Variants in RSPH14 observed in about 807,000 individuals in gnomAD.
RSPH14 encodes the protein radial spoke head 14 homolog.
RSPH14 carries 20 observed loss-of-function variants against 26.7 expected under a neutral mutation model. The observed-to-expected ratio is 0.75, with a 90% CI of 0.53 to 1.09. The LOEUF (loss-of-function observed/expected upper bound fraction) is 1.09, where lower values mean the gene tolerates loss of function less well. RSPH14 is among the 50% of genes least tolerant of loss of function. The pLI, the probability that RSPH14 is intolerant of heterozygous loss-of-function variation, is 0.00. For missense variants in RSPH14, 449 were observed against 457.2 expected (o/e 0.98, Z 0.16); for synonymous variants, 177 against 189.3 (o/e 0.93, Z 0.53).
chr22:23,080,555 G>A (rs1601760134), intron 4 of RSPH14, among the ~76,000 whole-genome samples: 1 of 152,226 alleles, frequency 6.6e-6, no homozygotes, highest in Non-Finnish European at 1.5e-5. Context: ...AGGAGGACCT[G>A]TTTCTAAGGT....
the RSPH14 span, among the ~76,000 whole-genome samples, chr22:23,174,165 G>C: frequency 5.9e-5 from 9 of 152,130 alleles, no homozygotes; most frequent in African/African-American, 2.2e-4. Context: ...GGGGTTTGCT[G>C]GAACTTTTGC....
In RSPH14 at chr22:23,134,104, A is replaced by G; in HGVS notation, c.343T>C (p.Phe115Leu). 1 of 1,613,416 alleles carries G rather than the reference A, an allele frequency of 6.2e-7. No homozygotes were observed. The highest frequency in any genetic ancestry group is 8.5e-7 in the Non-Finnish European group (1 of 1,179,510). Residue 115 changes from phenylalanine to leucine, a missense_variant, in exon 4 of 7, where the codon TTC becomes CTC. By Grantham distance (22) the Phe-to-Leu change is conservative. Transcript: ENST00000216036. ...LEHDIVLALSFLLNDPSPVCR... is the reference protein window; with the variant it reads ...LEHDIVLALSLLLNDPSPVCR... ...ACTGGGCTGGGGTCATTCAGCAGGAAGGACAGGGCAAGGACGATGTCGTGC... is the reference window on the plus strand; with the variant it reads ...ACTGGGCTGGGGTCATTCAGCAGGAGGGACAGGGCAAGGACGATGTCGTGC...
upstream of RSPH14, chr22:23,142,194 G>A (rs1255030549): frequency 5.2e-6 from 1 of 191,722 alleles, no homozygotes; most frequent in Non-Finnish European, 9.6e-6. Context: ...AGAAGGGAAA[G>A]GAAGTGACTT....
chr22:23,169,760 T>A, the RSPH14 span, among the ~76,000 whole-genome samples: 1 of 152,118 alleles, frequency 6.6e-6, no homozygotes, highest in Non-Finnish European at 1.5e-5. Flanking sequence ...GTGACCCTCA[T>A]GAGCAGAGCC....
the RSPH14 span, among the ~76,000 whole-genome samples, chr22:23,154,245 C>G: frequency 2.0e-5 from 3 of 152,212 alleles, no homozygotes; most frequent in African/African-American, 7.2e-5. Context: ...GCCCCGCCCC[C>G]CTCCTCTCCA....
At chr22:23,105,684 C>G (rs2069449263) in intron 4 of RSPH14, among the ~76,000 whole-genome samples, 1 of 152,240 alleles carries the variant, frequency 6.6e-6, no homozygotes, top group Admixed American at 6.5e-5. Flanking sequence ...CCTGGCCAGG[C>G]CTGTGTCTGT....
chr22:23,091,697 C>T (rs1027801498), intron 4 of RSPH14, among the ~76,000 whole-genome samples: 5 of 151,586 alleles, frequency 3.3e-5, no homozygotes, highest in African/African-American at 7.3e-5. Flanking sequence ...TACACACACA[C>T]GCACCGCAAT....
intron 3 of RSPH14, chr22:23,136,000 T>A (rs1024408771): frequency 1.6e-4 from 28 of 178,472 alleles, no homozygotes; most frequent in Non-Finnish European, 3.1e-4. Flanking sequence ...TTATTTATTT[T>A]ATTTATTTAT....
At chr22:23,131,072 A>G (rs74879436) in intron 4 of RSPH14, 4,017 of 153,322 alleles carry the variant, frequency 0.026, 173 homozygotes, top group African/African-American at 0.091. Flanking sequence ...AACAACCAAC[A>G]AGCCTGCCAG....
At chr22:23,139,804 A>G (rs1490372645) in intron 2 of RSPH14, among the ~76,000 whole-genome samples, 1 of 152,186 alleles carries the variant, frequency 6.6e-6, no homozygotes, top group African/African-American at 2.4e-5. Context: ...GCTCACACAT[A>G]TAATCCCAAA....
chr22:23,163,606 G>GCCCCCCCCCCCCC, the RSPH14 span: 40 of 125,296 alleles, frequency 3.2e-4, 1 homozygote, highest in South Asian at 5.4e-4. Flanking sequence ...CAAGGTGAAA[G>GCCCCCCCCCCCCC]CCCCCCCCCC....
the RSPH14 span, among the ~76,000 whole-genome samples, chr22:23,164,777 A>G: frequency 6.6e-6 from 1 of 151,898 alleles, no homozygotes; most frequent in African/African-American, 2.4e-5. Flanking sequence ...CCTTCCGTTC[A>G]CCTGTCTCTT....
At chr22:23,114,895 C>T (rs1285598824) in intron 4 of RSPH14, among the ~76,000 whole-genome samples, 2 of 152,128 alleles carry the variant, frequency 1.3e-5, no homozygotes, top group African/African-American at 4.8e-5. Context: ...GAGCCTCTGC[C>T]CAGGGAGGTG....
At chr22:23,107,901 C>T (rs952333376) in intron 4 of RSPH14, among the ~76,000 whole-genome samples, 2 of 152,194 alleles carry the variant, frequency 1.3e-5, no homozygotes, top group African/African-American at 4.8e-5. Context: ...GGACACAGAC[C>T]AGCTGTCACT....
intron 4 of RSPH14, among the ~76,000 whole-genome samples, chr22:23,120,865 C>G (rs966767523): frequency 1.3e-5 from 2 of 152,166 alleles, no homozygotes; most frequent in African/African-American, 4.8e-5. Context: ...AGTGTTTGCT[C>G]AGTAAATTAA....
At chr22:23,143,352 G>T (rs1164338715), upstream of RSPH14, among the ~76,000 whole-genome samples, 2 of 150,912 alleles carry the variant, frequency 1.3e-5, no homozygotes, top group African/African-American at 2.4e-5. Flanking sequence ...TTTAAAAAAA[G>T]ATACAAGAAA....
chr22:23,152,338 C>G, the RSPH14 span: 1 of 964,982 alleles, frequency 1.0e-6, no homozygotes, highest in Non-Finnish European at 1.7e-6. Flanking sequence ...CAGGGTGGCC[C>G]ATCCTGTGTC....
the RSPH14 span, among the ~76,000 whole-genome samples, chr22:23,177,674 A>G: frequency 1.3e-5 from 2 of 152,300 alleles, no homozygotes; most frequent in Admixed American, 1.3e-4. Context: ...AGGAGAGAAC[A>G]GTGTCCTTGG....
the RSPH14 span, chr22:23,180,273 C>G: frequency 5.4e-6 from 1 of 185,172 alleles, no homozygotes; most frequent in Admixed American, 6.1e-5. Context: ...CCAGGGAGTC[C>G]GGTGTCTTTT....
Sources: allele counts gnomAD v4.1 joint callset (sites outside exome capture counted in the v4.1 genomes callset), GRCh38; gene constraint gnomAD v4.1.1; transcripts MANE v1.5; gene names NCBI Gene and HGNC (gene_info 2026-07-23, HGNC 2026-07-21).